Variants in LRRC37A observed in about 807,000 individuals in gnomAD.
LRRC37A encodes leucine-rich repeat-containing protein 37A.
LRRC37A carries 3 observed loss-of-function variants against 35.4 expected under a neutral mutation model. The ratio of observed to expected loss-of-function variants is 0.08; its 90% CI spans 0.04 to 0.22. LRRC37A has a LOEUF of 0.22. Among genes scored for constraint, LRRC37A ranks in the 10% least tolerant of loss-of-function variants. The probability of loss-of-function intolerance (pLI) is 1.00; values close to 1 mark genes in which losing one functional copy is unlikely to be tolerated. For missense variants in LRRC37A, 67 were observed against 565.3 expected, an observed-to-expected ratio of 0.12 and a Z score of 8.94; for synonymous variants, 23 against 215.0, an observed-to-expected ratio of 0.11 and a Z score of 7.81.
At chr17:46,264,297 G>A in the LRRC37A span, among the ~76,000 whole-genome samples, 1 of 152,116 alleles carries the variant, frequency 6.6e-6, no homozygotes, top group Non-Finnish European at 1.5e-5. Context: ...CACAGTAGAT[G>A]CTCAATAAAT....
chr17:46,280,675 G>A, the LRRC37A span, among the ~76,000 whole-genome samples: 2 of 145,258 alleles, frequency 1.4e-5, no homozygotes, highest in Non-Finnish European at 3.0e-5. Flanking sequence ...CCTGTTTCAA[G>A]TGATTCTCAT....
the LRRC37A span, among the ~76,000 whole-genome samples, chr17:46,284,498 G>A: frequency 6.6e-6 from 1 of 152,262 alleles, no homozygotes; most frequent in Non-Finnish European, 1.5e-5. Flanking sequence ...ACTTTTCTTA[G>A]TACAGAACAA....
At chr17:46,268,572 G>A in the LRRC37A span, 22 of 1,528,964 alleles carry the variant, frequency 1.4e-5, no homozygotes, top group Non-Finnish European at 1.8e-5. Flanking sequence ...TCTGCTCCAG[G>A]TCCTGAGAGG....
chr17:46,279,500 C>CTT, the LRRC37A span, among the ~76,000 whole-genome samples: 321 of 122,380 alleles, frequency 2.6e-3, 2 homozygotes, highest in African/African-American at 5.1e-3. Context: ...TTCTTTCTTT[C>CTT]TTTTTTTTTT....
intron 5 of LRRC37A, among the ~76,000 whole-genome samples, chr17:46,314,586 A>G (rs1166573194): frequency 2.6e-5 from 2 of 76,206 alleles, no homozygotes; most frequent in Non-Finnish European, 3.9e-5. Flanking sequence ...GCCTCCCAAA[A>G]TGCTGGGATT....
chr17:46,264,388 C>T, the LRRC37A span, among the ~76,000 whole-genome samples: 16 of 152,314 alleles, frequency 1.1e-4, no homozygotes, highest in South Asian at 1.4e-3. Context: ...TTCTTCCTCC[C>T]GACAGGTATA....
the LRRC37A span, among the ~76,000 whole-genome samples, chr17:46,272,571 T>C: frequency 6.6e-6 from 1 of 152,164 alleles, no homozygotes; most frequent in Non-Finnish European, 1.5e-5. Flanking sequence ...CCTGCCACCA[T>C]GCCTGGCTAA....
At chr17:46,291,985 A>AAAAAAAAAAAAAAAAAAAAC (rs1360524355), upstream of LRRC37A, among the ~76,000 whole-genome samples, 19 of 76,650 alleles carry the variant, frequency 2.5e-4, no homozygotes, top group Non-Finnish European at 3.3e-4. Flanking sequence ...AAAAAAAAAA[A>AAAAAAAAAAAAAAAAAAAAC]AAGCCAATAA....
the LRRC37A span, among the ~76,000 whole-genome samples, chr17:46,262,543 T>A: frequency 1.3e-5 from 2 of 152,228 alleles, no homozygotes; most frequent in Admixed American, 6.5e-5. Flanking sequence ...CAGGAATTAT[T>A]AGTCAGCTTC....
chr17:46,337,721 TAGG>T (rs1308950588), exon 14 of LRRC37A: 3 of 523,764 alleles, frequency 5.7e-6, no homozygotes, highest in East Asian at 3.0e-5. Flanking sequence ...AGCCCTGCCA[TAGG>T]AGGAGAACAC....
At chr17:46,286,833 C>T in the LRRC37A span, among the ~76,000 whole-genome samples, 1 of 152,226 alleles carries the variant, frequency 6.6e-6, no homozygotes, top group Admixed American at 6.5e-5. Flanking sequence ...AGTACAATTC[C>T]TCACTGCTGC....
the LRRC37A span, among the ~76,000 whole-genome samples, chr17:46,282,117 T>G: frequency 6.6e-6 from 1 of 152,024 alleles, no homozygotes; most frequent in Non-Finnish European, 1.5e-5. Flanking sequence ...TTTTGTTTTT[T>G]TTTGAGACGG....
chr17:46,251,406 G>A, the LRRC37A span, among the ~76,000 whole-genome samples: 1 of 152,180 alleles, frequency 6.6e-6, no homozygotes, highest in South Asian at 2.1e-4. Flanking sequence ...TTATGGGCAT[G>A]CACCATCACG....
At chr17:46,263,067 G>C in the LRRC37A span, among the ~76,000 whole-genome samples, 12 of 152,062 alleles carry the variant, frequency 7.9e-5, no homozygotes, top group Non-Finnish European at 5.9e-5. Context: ...ATAAAAGTTA[G>C]CTGGGTTTGG....
chr17:46,266,968 C>A, the LRRC37A span: 1 of 154,862 alleles, frequency 6.5e-6, no homozygotes, highest in Non-Finnish European at 1.4e-5. Flanking sequence ...CCGGCCCTGC[C>A]CACCCCAACC....
At chr17:46,261,609 C>T in the LRRC37A span, among the ~76,000 whole-genome samples, 1 of 152,032 alleles carries the variant, frequency 6.6e-6, no homozygotes, top group Admixed American at 6.5e-5. Flanking sequence ...GATGGGGTTT[C>T]TCCATGTTGG....
the LRRC37A span, among the ~76,000 whole-genome samples, chr17:46,284,331 T>C: frequency 0.087 from 13,123 of 150,420 alleles, 763 homozygotes; most frequent in East Asian, 0.28. Context: ...GGAGTGGTGA[T>C]GACTCTTAAG....
At chr17:46,253,172 C>T in the LRRC37A span, among the ~76,000 whole-genome samples, 202 of 148,332 alleles carry the variant, frequency 1.4e-3, 1 homozygote, top group African/African-American at 4.8e-3. Context: ...GGCAGAGGCG[C>T]TCCTCACATC....
upstream of LRRC37A, among the ~76,000 whole-genome samples, chr17:46,288,255 C>A (rs1002028896): frequency 5.7e-4 from 86 of 152,032 alleles, no homozygotes; most frequent in African/African-American, 2.0e-3. Context: ...GATCCTCCCA[C>A]CTCAGCCTCC....
Sources: gnomAD v4.1 joint callset for allele counts (sites outside exome capture counted in the v4.1 genomes callset) on GRCh38, gnomAD v4.1.1 for gene constraint, MANE v1.5 for transcripts, NCBI Gene and HGNC (gene_info 2026-07-23, HGNC 2026-07-21) for gene names.